GPAM: variants seen among roughly 807,000 people sequenced by gnomAD.
GPAM encodes the protein glycerol-3-phosphate acyltransferase 1, mitochondrial.
In GPAM, 56 loss-of-function variants were observed where a neutral mutation model predicts 105.0. The observed-to-expected ratio is 0.53, with a 90% confidence interval of 0.43 to 0.67. The LOEUF is 0.67. Ranked by LOEUF, GPAM falls within the 30% of genes least tolerant of loss-of-function variation. The pLI is 0.00. For synonymous variants in GPAM, 368 were observed against 354.4 expected, an observed-to-expected ratio of 1.04 and a Z score of -0.43; for missense variants, 855 against 989.8, an observed-to-expected ratio of 0.86 and a Z score of 1.83.
intron 1 of GPAM, among the ~76,000 whole-genome samples, chr10:112,199,455 T>C (rs1847766919): frequency 6.6e-6 from 1 of 152,126 alleles, no homozygotes; most frequent in Non-Finnish European, 1.5e-5. Flanking sequence ...GAGGAGTAAG[T>C]TCCTGGAGAT....
chr10:112,158,653 A>C lies in GPAM; in HGVS notation c.1903-260T>G, dbSNP rs150185171. On this transcript the variant is annotated intron_variant, in intron 17 of 21. Coordinates refer to ENST00000348367, the MANE Select transcript of GPAM (RefSeq NM_001244949.2). ...ACCTGCAAGGGGTACTCCTGAGCTC[A>C]ATTCTCTCCCCACACCCACAGTGTG... is the stretch of plus-strand genomic sequence containing the variant. Among the ~76,000 whole-genome samples the C allele has an allele frequency of 2.8e-3, 430 of 152,204 alleles. 3 individuals carry two copies. The highest frequency in any genetic ancestry group is 9.3e-3 in the South Asian group (45 of 4,814).
At chr10:112,201,647 A>G (rs995580027) in intron 1 of GPAM, among the ~76,000 whole-genome samples, 2 of 152,158 alleles carry the variant, frequency 1.3e-5, no homozygotes, top group African/African-American at 2.4e-5. Context: ...CTTGGCTAGC[A>G]ACTTTCTGTC....
upstream of GPAM, among the ~76,000 whole-genome samples, chr10:112,219,185 C>A (rs1441708876): frequency 1.3e-5 from 2 of 152,190 alleles, no homozygotes; most frequent in Admixed American, 6.5e-5. Context: ...AGCACCTGTC[C>A]AGTCCCAACC....
chr10:112,169,961 G>A (rs1051197330), intron 9 of GPAM, among the ~76,000 whole-genome samples: 21 of 152,174 alleles, frequency 1.4e-4, no homozygotes, highest in Non-Finnish European at 2.9e-4. Context: ...TCTAATGCCT[G>A]ATGATCTGTC....
intron 9 of GPAM, 64 bp downstream of exon 9, chr10:112,172,118 A>C (rs1411783852): frequency 8.2e-6 from 10 of 1,221,040 alleles, no homozygotes; most frequent in Non-Finnish European, 1.1e-5. Context: ...GCTATAATTT[A>C]AAAAATTAAA....
chr10:112,203,698 T>C (rs1294327038), intron 1 of GPAM, among the ~76,000 whole-genome samples: 2 of 152,188 alleles, frequency 1.3e-5, no homozygotes, highest in East Asian at 1.9e-4. Flanking sequence ...TTACCAGGAC[T>C]GTGCCACACG....
In GPAM at chr10:112,181,643, T is replaced by C. The variant is rs200199329; in HGVS notation, c.102+40A>G. 104 of 1,102,284 alleles carry C rather than the reference T, an allele frequency of 9.4e-5. No homozygotes were observed. In the African/African-American group the frequency reaches 1.5e-3, roughly 16 times the overall value. The allele number at this position is 1,102,284 out of a possible 1,614,324, so 68.3% of individuals were successfully genotyped here. On this transcript the variant is annotated intron_variant, in intron 3 of 21. Coordinates refer to ENST00000348367, the MANE Select transcript of GPAM (RefSeq NM_001244949.2). ...TTCATAAACATCATTGAAATGAACA[T>C]TTTTAGGCTGAGTGCTTTTAACTCT...
chr10:112,153,718 A>C (rs781022466), intron 21 of GPAM, 52 bp from the exon 22 acceptor site: 13 of 1,590,406 alleles, frequency 8.2e-6, no homozygotes, highest in Non-Finnish European at 9.4e-6. Context: ...AAATAAAAAA[A>C]ATTTCCATTA....
rs1847438994 is a variant in GPAM at position 112,178,060 on chromosome 10, A to G, written c.226-3T>C. 2 of 1,534,534 alleles carry G rather than the reference A, an allele frequency of 1.3e-6. No homozygotes were observed. Among genetic ancestry groups the G allele is most frequent in the Non-Finnish European group, 1.8e-6 (2 of 1,107,830 alleles). ...ATACTGGGGTTGAAAAATTTGTCCT[A>G]TATAAAACAAAGTAAATGTAGACAT... On this transcript the variant is annotated splice_polypyrimidine_tract_variant and splice_region_variant and intron_variant, in intron 4 of 21. Coordinates refer to ENST00000348367, the MANE Select transcript of GPAM (RefSeq NM_001244949.2).
intron 9 of GPAM, among the ~76,000 whole-genome samples, chr10:112,170,722 C>T (rs1249959955): frequency 6.6e-6 from 1 of 152,230 alleles, no homozygotes; most frequent in Non-Finnish European, 1.5e-5. Context: ...TGGAAAAGCA[C>T]ATCTACCCTG....
At position 112,174,572 on chromosome 10, in the gene GPAM, A is replaced by G. The variant is rs144343594; in HGVS notation, c.414-727T>C. Among the ~76,000 whole-genome samples, 41 of 152,372 alleles carry G rather than the reference A, an allele frequency of 2.7e-4. No individual in the cohort carries two copies. In the East Asian group the frequency reaches 7.9e-3, roughly 29 times the overall value. On this transcript the variant is annotated intron_variant, in intron 6 of 21. Transcript: ENST00000348367. ...ATAAATGTACTTGAAGGTTTTAACA[A>G]GAAAACAGAATATATAATAATCTAA...
In GPAM at chr10:112,163,743, G is replaced by T; in HGVS notation, c.1381C>A (p.Arg461=). The T allele has an allele frequency of 6.3e-7, 1 of 1,599,408 alleles. No homozygotes were observed. The highest frequency in any genetic ancestry group is 1.7e-4 in the Middle Eastern group (1 of 6,028). The change falls in exon 14 of 22, where the codon CGA becomes AGA. Residue 461 remains arginine (R), a synonymous_variant. Transcript: ENST00000348367. ...GCCAGATTTGCAATCAACCTCCTTC[G>T]TAGGGATTCATCTGTTGCATTTCTG... ...ESRNATDESL[R]RRLIANLAEH...
At chr10:112,167,619 A>G (rs900466063) in intron 11 of GPAM, among the ~76,000 whole-genome samples, 2 of 152,240 alleles carry the variant, frequency 1.3e-5, no homozygotes, top group Non-Finnish European at 2.9e-5. Flanking sequence ...CGTACAGACC[A>G]CATGTTATCC....
chr10:112,196,839 T>C (rs1847729617), intron 1 of GPAM, among the ~76,000 whole-genome samples: 1 of 152,192 alleles, frequency 6.6e-6, no homozygotes, highest in South Asian at 2.1e-4. Context: ...CCTCACCCCA[T>C]TCCTTTTGCA....
chr10:112,196,627 T>C (rs1274743070), intron 1 of GPAM, among the ~76,000 whole-genome samples: 2 of 152,216 alleles, frequency 1.3e-5, no homozygotes, highest in Non-Finnish European at 2.9e-5. Context: ...GGTTATGGTT[T>C]TAACCACATC....
chr10:112,194,946 G>A (rs1197954687), intron 1 of GPAM, among the ~76,000 whole-genome samples: 4 of 152,012 alleles, frequency 2.6e-5, no homozygotes, highest in Non-Finnish European at 4.4e-5. Flanking sequence ...CTTTTAAATA[G>A]CTTTAAACCC....
intron 1 of GPAM, among the ~76,000 whole-genome samples, chr10:112,193,065 G>A (rs184403692): frequency 7.2e-5 from 11 of 152,326 alleles, no homozygotes; most frequent in Middle Eastern, 3.4e-3. Flanking sequence ...CAGTCATGGC[G>A]CCATCAGAAA....
chr10:112,172,792 C>T (rs1311877271), intron 8 of GPAM, among the ~76,000 whole-genome samples, 178 bp downstream of exon 8: 1 of 152,172 alleles, frequency 6.6e-6, no homozygotes, highest in African/African-American at 2.4e-5. Context: ...CTAGTAAGTA[C>T]TCCTGTATCT....
intron 12 of GPAM, 45 bp from the exon 13 acceptor site, chr10:112,164,655 C>A (rs760870749): frequency 2.0e-6 from 2 of 984,546 alleles, no homozygotes; most frequent in Non-Finnish European, 3.3e-6. Flanking sequence ...CACTTTCGCA[C>A]CAACATATAA....
Sources: gnomAD v4.1 joint callset for allele counts (sites outside exome capture counted in the v4.1 genomes callset) on GRCh38, gnomAD v4.1.1 for gene constraint, MANE v1.5 for transcripts, NCBI Gene and HGNC (gene_info 2026-07-23, HGNC 2026-07-21) for gene names.